FGD2: variants seen among roughly 807,000 people sequenced by gnomAD.
FGD2 encodes the protein FYVE, RhoGEF and PH domain-containing protein 2.
FGD2 carries 52 observed loss-of-function variants against 75.9 expected under a neutral mutation model. The ratio of observed to expected loss-of-function variants is 0.69; its 90% CI spans 0.55 to 0.86. The LOEUF is 0.86. Among genes scored for constraint, FGD2 ranks in the 40% least tolerant of loss-of-function variants. The pLI is 0.00. For synonymous variants in FGD2, 347 were observed against 348.6 expected, an observed-to-expected ratio of 1.00 and a Z score of 0.05; for missense variants, 790 against 872.0, an observed-to-expected ratio of 0.91 and a Z score of 1.18.
At chr6:37,009,138 C>G in intron 2 of FGD2, 73 bp downstream of exon 2, 3 of 1,411,134 alleles carry the variant, frequency 2.1e-6, no homozygotes, top group Non-Finnish European at 2.9e-6. Flanking sequence ...TCCACACATG[C>G]TTTCCTAGCC....
intron 13 of FGD2, chr6:37,024,572 T>G (rs565275599): frequency 2.0e-5 from 3 of 152,200 alleles, no homozygotes; most frequent in Non-Finnish European, 2.9e-5. Context: ...TTAGTGAATC[T>G]AGTGGGTGGT....
intron 1 of FGD2, among the ~76,000 whole-genome samples, 172 bp downstream of exon 1, chr6:37,006,057 GAGCC>G (rs1003961848): frequency 2.0e-5 from 3 of 152,228 alleles, no homozygotes; most frequent in African/African-American, 7.2e-5. Context: ...GGGACACCAG[GAGCC>G]AGGCAGGGGT....
rs200847237 is a variant in FGD2, at chr6:37,011,690, G to A, written c.379-16G>A. 28 of 1,613,840 alleles carry A rather than the reference G, an allele frequency of 1.7e-5. No individual in the cohort carries two copies. Among genetic ancestry groups the A allele is most frequent in the Non-Finnish European group, 2.2e-5 (26 of 1,179,932 alleles). On this transcript the variant is annotated splice_polypyrimidine_tract_variant and intron_variant, in intron 3 of 15. Transcript: ENST00000274963. ...TCCCTGTCACTGCAGTGAGTGACCT[G>A]TCGTGGCGGCTACAGGTGTTTTTCC...
intron 14 of FGD2, 54 bp downstream of exon 14, chr6:37,025,992 G>C: frequency 6.3e-7 from 1 of 1,599,394 alleles, no homozygotes; most frequent in African/African-American, 1.3e-5. Context: ...GGGAATGTGT[G>C]CCCGGCAACC....
chr6:37,018,663 C>T (rs35402387), intron 9 of FGD2, among the ~76,000 whole-genome samples: 2,623 of 152,282 alleles, frequency 0.017, 40 homozygotes, highest in Non-Finnish European at 0.027. Flanking sequence ...TTGTACACTG[C>T]ACAAGGATAC....
At position 37,028,615 on chromosome 6, in the gene FGD2, C is replaced by CTTTTTTTTTTTTTTTTTTTGTTTTTTTT. The variant is rs386406733; in HGVS notation, c.*469_*470insTTGTTTTTTTTTTTTTTTTTTTTTTTTT. 1.3e-5 allele frequency: 1 copy of CTTTTTTTTTTTTTTTTTTTGTTTTTTTT among 79,024 alleles called. No homozygotes were observed. The highest frequency in any genetic ancestry group is 5.5e-5 in the African/African-American group (1 of 18,142). 4.9% of individuals were successfully genotyped at this position (79,024 alleles called of 1,614,324 possible). A position where few individuals can be genotyped will look rare whatever the true frequency, so the allele number is the denominator to read the frequency against. On this transcript the variant is annotated 3_prime_UTR_variant, in exon 16 of 16. Transcript: ENST00000274963. ...GGCTGAGTTGGGGGAGGCATGGGGT[C>CTTTTTTTTTTTTTTTTTTTGTTTTTTTT]TTTTTTTTTTTTTTTTTGAGACAGA...
chr6:37,024,613 C>A (rs980168104), intron 13 of FGD2: 1 of 151,634 alleles, frequency 6.6e-6, no homozygotes, highest in South Asian at 2.1e-4. Context: ...ATTTGTCTGT[C>A]GGTAGGAAAT....
Position 37,005,869 on chromosome 6 carries a change from G to C in FGD2, c.52G>C (p.Val18Leu). ...KLASVSNLVT[V>L]FENSRTPEAA... ...GGCATCTGTGTCCAACCTGGTCACTGTGTTTGAGAATAGCAGGTATGGGCA... is the reference window on the plus strand; with the variant it reads ...GGCATCTGTGTCCAACCTGGTCACTCTGTTTGAGAATAGCAGGTATGGGCA... Residue 18 changes from valine (V) to leucine (L), a missense_variant, in exon 1 of 16, where the codon GTG (valine) becomes CTG (leucine). By Grantham distance (32) the Val-to-Leu change is conservative. Coordinates refer to ENST00000274963, the MANE Select transcript of FGD2 (RefSeq NM_173558.4). 1 of 1,613,900 alleles carries C rather than the reference G, an allele frequency of 6.2e-7. No homozygotes were observed. Among genetic ancestry groups the C allele is most frequent in the Non-Finnish European group, 8.5e-7 (1 of 1,179,966 alleles).
chr6:37,018,761 C>T (rs1239090012), intron 9 of FGD2, among the ~76,000 whole-genome samples: 3 of 152,206 alleles, frequency 2.0e-5, no homozygotes, highest in African/African-American at 4.8e-5. Context: ...GAGAATTGTC[C>T]GGCAGATGGC....
chr6:37,022,514 C>T (rs1765640039), intron 13 of FGD2, 144 bp downstream of exon 13: 5 of 1,168,076 alleles, frequency 4.3e-6, no homozygotes, highest in South Asian at 1.8e-5. Context: ...CCATCTGTGT[C>T]ACCTCCACCT....
In FGD2 at chr6:37,013,951, C is replaced by A. The variant is rs759461969; in HGVS notation, c.685-11C>A. The A allele has an allele frequency of 3.8e-5, 61 of 1,611,844 alleles. No homozygotes were observed. The highest frequency in any genetic ancestry group is 5.2e-5 in the Non-Finnish European group (61 of 1,178,794). The stretch of plus-strand genomic sequence containing the variant: ...CACCCTCTCCGTGTTGCTCCCCCAT[C>A]CCTCCCCAAGAGCAGCGAGGCTTCG... On this transcript the variant is annotated splice_polypyrimidine_tract_variant and intron_variant, in intron 5 of 15. Transcript: ENST00000274963.
chr6:37,013,765 G>A lies in FGD2; in HGVS notation c.684G>A (p.Gln228=). The A allele has an allele frequency of 6.2e-7, 1 of 1,613,872 alleles. No individual in the cohort carries two copies. The change falls in exon 5 of 16, where the codon CAG becomes CAA. Residue 228 remains glutamine (Q), a splice_region_variant and synonymous_variant. Coordinates refer to ENST00000274963, the MANE Select transcript of FGD2 (RefSeq NM_173558.4). ...TCCAGGAGGTTCTCACTCGCATCCA[G>A]GTGAGGCTGGGGGAGGGCTGGAGTC... is the stretch of plus-strand genomic sequence containing the variant. ...PLFQEVLTRI[Q]SSEASGSLTL... is the part of the protein sequence containing the mutation.
chr6:37,022,384 C>A lies in FGD2; in HGVS notation c.1458+14C>A. 1 of 1,559,626 alleles carries A rather than the reference C, an allele frequency of 6.4e-7. No individual in the cohort carries two copies. On this transcript the variant is annotated intron_variant, in intron 13 of 15. Transcript: ENST00000274963. Reference sequence around the variant, plus strand: ...GCCTGCGGCTATGTGAGTACTCCTGCCAGCACTCCTGCCTCCACCTGCGTC... The same window carrying A: ...GCCTGCGGCTATGTGAGTACTCCTGACAGCACTCCTGCCTCCACCTGCGTC...
At chr6:37,011,192 A>AGCC in intron 3 of FGD2, 142 bp downstream of exon 3, 2 of 750,104 alleles carry the variant, frequency 2.7e-6, no homozygotes, top group South Asian at 1.6e-5. Flanking sequence ...CTTTAACCTC[A>AGCC]ATGGCTGGGG....
rs80344574 is a variant in FGD2, at chr6:37,013,723, C to G, written c.642C>G (p.Thr214=). ...ERAAELLATW[T]DKSPLFQEVL... ...CGGCTGAGCTGCTGGCCACCTGGAC[C>G]GACAAGTCTCCACTCTTCCAGGAGG... is the stretch of plus-strand genomic sequence containing the variant. Residue 214 remains threonine, a synonymous_variant, in exon 5 of 16, where the codon ACC becomes ACG. Coordinates refer to ENST00000274963, the MANE Select transcript of FGD2 (RefSeq NM_173558.4). 14 of 1,614,030 alleles carry G rather than the reference C, an allele frequency of 8.7e-6. No homozygotes were observed. The highest frequency in any genetic ancestry group is 1.2e-5 in the Non-Finnish European group (14 of 1,179,966).
rs773698351 is a variant in FGD2 at position 37,005,865 on chromosome 6, C to A, written c.48C>A (p.Val16=). ...EEKLASVSNL[V]TVFENSRTPE... Reference sequence around the variant, plus strand: ...AGCTGGCATCTGTGTCCAACCTGGTCACTGTGTTTGAGAATAGCAGGTATG... The same window carrying A: ...AGCTGGCATCTGTGTCCAACCTGGTAACTGTGTTTGAGAATAGCAGGTATG... The change falls in exon 1 of 16, where the codon GTC becomes GTA. Residue 16 remains valine, a synonymous_variant. Transcript: ENST00000274963. 2 of 1,613,732 alleles carry A rather than the reference C, an allele frequency of 1.2e-6. No individual in the cohort carries two copies. Among genetic ancestry groups the A allele is most frequent in the African/African-American group, 2.7e-5 (2 of 74,932 alleles).
At chr6:37,007,938 G>A (rs1370708701) in intron 1 of FGD2, among the ~76,000 whole-genome samples, 5 of 152,156 alleles carry the variant, frequency 3.3e-5, no homozygotes, top group African/African-American at 1.2e-4. Context: ...CCGCGGACCT[G>A]TTTCTCCTTT....
rs753745690 is a variant in FGD2 at position 37,014,915 on chromosome 6, G to A, written c.906G>A (p.Glu302=). 3 of 1,613,968 alleles carry A rather than the reference G, an allele frequency of 1.9e-6. No individual in the cohort carries two copies. In the African/African-American group the frequency reaches 4.0e-5, roughly 22 times the overall value. The change falls in exon 8 of 16, where the codon GAG becomes GAA. Residue 302 remains glutamate, a synonymous_variant. Coordinates refer to ENST00000274963, the MANE Select transcript of FGD2 (RefSeq NM_173558.4). ...TEMERLQDLW[E]VYQRLGLEDD... ...AGGAGCGGCTGCAGGACCTGTGGGAGGTGTACCAGCGCCTGGGCCTCGAGG... is the reference window on the plus strand; with the variant it reads ...AGGAGCGGCTGCAGGACCTGTGGGAAGTGTACCAGCGCCTGGGCCTCGAGG...
At chr6:37,009,257 G>A (rs192937910) in intron 2 of FGD2, 192 bp downstream of exon 2, 30 of 572,040 alleles carry the variant, frequency 5.2e-5, no homozygotes, top group African/African-American at 1.5e-4. Context: ...GCTACGCACC[G>A]TGCTGGATTA....
Sources: gnomAD v4.1 joint callset for allele counts (sites outside exome capture counted in the v4.1 genomes callset) on GRCh38, gnomAD v4.1.1 for gene constraint, MANE v1.5 for transcripts, NCBI Gene and HGNC (gene_info 2026-07-23, HGNC 2026-07-21) for gene names.